The following BAZ2A variants were observed in gnomAD, a reference collection of about 807,000 sequenced individuals.
BAZ2A encodes the protein bromodomain adjacent to zinc finger domain protein 2A.
BAZ2A carries 34 observed loss-of-function variants against 199.9 expected under a neutral mutation model. The observed-to-expected ratio is 0.17, with a 90% confidence interval of 0.13 to 0.23. BAZ2A has a LOEUF of 0.23. BAZ2A is among the 10% of genes least tolerant of loss of function. The pLI is 1.00. For synonymous variants in BAZ2A, 857 were observed against 883.9 expected (o/e 0.97, Z 0.54); for missense variants, 2,002 against 2,391.1 (o/e 0.84, Z 3.39).
chr12:56,616,818 T>C (rs951363863), intron 2 of BAZ2A, among the ~76,000 whole-genome samples: 1 of 152,118 alleles, frequency 6.6e-6, no homozygotes. Context: ...TGGCGAGTCA[T>C]GGTACAGAGC....
At chr12:56,610,017 A>G in intron 9 of BAZ2A, 71 bp from the exon 10 acceptor site, 1 of 1,601,276 alleles carries the variant, frequency 6.2e-7, no homozygotes, top group Non-Finnish European at 8.5e-7. Flanking sequence ...GGAACCATTC[A>G]ATGCCCCAGA....
In BAZ2A at chr12:56,601,854, G is replaced by C. The variant is rs1198860288; in HGVS notation, c.3763C>G (p.Leu1255Val). The change falls in exon 20 of 29, where the codon CTG (leucine) becomes GTG (valine). Residue 1255 changes from leucine to valine, a missense_variant. Transcript: ENST00000549884. ...CTGAGGTCATGCTGGCTCTGACCCA[G>C]TGACAAAGGGGAGCCTTCTTGCTCC... is the stretch of plus-strand genomic sequence containing the variant. ...FLEQEGSPLS[L>V]GQSQHDLSQS... 1 of 1,613,884 alleles carries C rather than the reference G, an allele frequency of 6.2e-7. No individual in the cohort carries two copies. The highest frequency in any genetic ancestry group is 1.1e-5 in the South Asian group (1 of 91,094).
upstream of BAZ2A, chr12:56,638,080 G>A: frequency 2.3e-6 from 1 of 431,742 alleles, no homozygotes. Flanking sequence ...GACCAGTCTT[G>A]GCAACACAGC....
chr12:56,605,827 T>C lies in BAZ2A; in HGVS notation c.2493+3A>G, dbSNP rs1289910040. On this transcript the variant is annotated splice_donor_region_variant and intron_variant, in intron 13 of 28. Transcript: ENST00000549884. ...CCAGGAACTGTTACTCTCTCCTCAC[T>C]ACCTGGTGGTCAGTCAGACACATAT... The C allele has an allele frequency of 6.2e-7, 1 of 1,607,492 alleles. No homozygotes were observed. The highest frequency in any genetic ancestry group is 2.2e-5 in the East Asian group (1 of 44,724).
At position 56,601,562 on chromosome 12, in the gene BAZ2A, A is replaced by G. The variant is rs868844983; in HGVS notation, c.4055T>C (p.Leu1352Pro). 36 of 1,613,048 alleles carry G rather than the reference A, an allele frequency of 2.2e-5. No individual in the cohort carries two copies. In the African/African-American group the frequency reaches 2.7e-4, roughly 12 times the overall value. The change falls in exon 20 of 29, where the codon CTT becomes CCT. Residue 1352 changes from leucine to proline, a missense_variant. Coordinates refer to ENST00000549884, the MANE Select transcript of BAZ2A (RefSeq NM_001300905.2). The part of the protein sequence containing the change: ...EDQPTPSPQQ[L>P]ASSKPMNRPS... ...GCTACTTACTGGCTTGGAGGAGGCA[A>G]GCTGCTGAGGGGAGGGAGTGGGTTG...
intron 1 of BAZ2A, chr12:56,621,031 T>G (rs1400962942): frequency 1.0e-6 from 1 of 979,020 alleles, no homozygotes; most frequent in Non-Finnish European, 1.2e-6. Context: ...GAGGACACTC[T>G]TCACTTCAGA....
chr12:56,599,183 G>A lies in BAZ2A; in HGVS notation c.5348C>T (p.Ser1783Phe), dbSNP rs1886150087. ...CCGCATAGAGAGTCGCCGCCGCTTG[G>A]AGGGGGAGAGCCCTTCTTCCGAGTA... ...PRYSEEGLSP[S>F]KRRRLSMRNH... The change falls in exon 27 of 29, where the codon TCC becomes TTC. Residue 1783 changes from serine to phenylalanine, a missense_variant. Ser to Phe is a radical substitution (Grantham distance 155, BLOSUM62 -2). Transcript: ENST00000549884. 1 of 1,613,316 alleles carries A rather than the reference G, an allele frequency of 6.2e-7. No individual in the cohort carries two copies. Among genetic ancestry groups the A allele is most frequent in the Non-Finnish European group, 8.5e-7 (1 of 1,179,710 alleles).
upstream of BAZ2A, among the ~76,000 whole-genome samples, chr12:56,631,998 AG>A (rs1951324283): frequency 6.6e-6 from 1 of 152,156 alleles, no homozygotes; most frequent in African/African-American, 2.4e-5. Context: ...CAGAAGGCTA[AG>A]GGGGTTTCTC....
Position 56,617,485 on chromosome 12 carries a change from G to A in BAZ2A, c.46C>T (p.Pro16Ser). Residue 16 changes from proline (P) to serine (S), a missense_variant, in exon 2 of 29, where the codon CCT becomes TCT. Physicochemically the swap from Pro to Ser is moderately conservative, Grantham distance 74. This residue lies in a region of BAZ2A where 641 missense variants were observed against 694.5 expected (regional missense o/e 0.92). Coordinates refer to ENST00000549884, the MANE Select transcript of BAZ2A (RefSeq NM_001300905.2). ...GAGGGTTTCAGTCCTGAGGCAGCAG[G>A]TGCAGGGGGAAGGCCAGTAAAGTTA... is the stretch of plus-strand genomic sequence containing the variant. ...HFNFTGLPPA[P>S]AASGLKPSPS... 2 of 1,610,056 alleles carry A rather than the reference G, an allele frequency of 1.2e-6. No individual in the cohort carries two copies. Among genetic ancestry groups the A allele is most frequent in the Non-Finnish European group, 1.7e-6 (2 of 1,178,326 alleles).
rs532600153 is a variant in BAZ2A, at chr12:56,628,040, G to A, written c.-3+2085C>T. ...CTACTAAAAATAAAATAATTAGCTG[G>A]ATGCGGTGGCGGGCTCCTGTAATCC... is the stretch of plus-strand genomic sequence containing the variant. On this transcript the variant is annotated intron_variant, in intron 1 of 28. Transcript: ENST00000549884. Among the ~76,000 whole-genome samples, 4 of 151,078 alleles carry A rather than the reference G, an allele frequency of 2.6e-5. No individual in the cohort carries two copies. The East Asian group carries it at 5.8e-4, about 22-fold the overall frequency.
chr12:56,602,772 C>T lies in BAZ2A; in HGVS notation c.3365G>A (p.Arg1122His), dbSNP rs544352871. 5.3e-5 allele frequency: 85 copies of T among 1,613,946 alleles called. No individual in the cohort carries two copies. The East Asian group carries it at 7.4e-4, about 14-fold the overall frequency. ...AGCCAAATACGGCAATACCCAGTAG[C>T]GACGTCTGTAGCGGTCCTGACCCAG... Reference protein sequence around the residue: ...VSLGQDRYRRRYWVLPYLAGI... With the variant: ...VSLGQDRYRRHYWVLPYLAGI... Residue 1122 changes from arginine (R) to histidine (H), a missense_variant, in exon 19 of 29, where the codon CGC becomes CAC. Arg to His is a conservative substitution (Grantham distance 29). Transcript: ENST00000549884.
intron 23 of BAZ2A, 54 bp downstream of exon 23, chr12:56,600,627 T>A: frequency 6.3e-7 from 1 of 1,593,936 alleles, no homozygotes; most frequent in African/African-American, 1.3e-5. Context: ...TAACAGGGCA[T>A]AAGGGACTAA....
At chr12:56,605,764 C>A in intron 13 of BAZ2A, 66 bp downstream of exon 13, 1 of 1,317,544 alleles carries the variant, frequency 7.6e-7, no homozygotes, top group East Asian at 2.4e-5. Flanking sequence ...TTGCAGAAGT[C>A]CTTTTTTTTT....
At chr12:56,626,787 C>G (rs1951108275) in intron 1 of BAZ2A, among the ~76,000 whole-genome samples, 1 of 152,194 alleles carries the variant, frequency 6.6e-6, no homozygotes, top group South Asian at 2.1e-4. Flanking sequence ...TAACCCCCAA[C>G]AGGGAAAATC....
rs761832887 is a variant in BAZ2A at position 56,599,270 on chromosome 12, C to A, written c.5261G>T (p.Gly1754Val). 3 of 1,613,382 alleles carry A rather than the reference C, an allele frequency of 1.9e-6. No homozygotes were observed. Among genetic ancestry groups the A allele is most frequent in the East Asian group, 4.5e-5 (2 of 44,872 alleles). Residue 1754 changes from glycine (G) to valine (V), a missense_variant, in exon 27 of 29, where the codon GGT (glycine) becomes GTT (valine). Physicochemically the swap from Gly to Val is moderately radical, Grantham distance 109. Coordinates refer to ENST00000549884, the MANE Select transcript of BAZ2A (RefSeq NM_001300905.2). ...KSGYSLNFSE[G>V]DGRRRRVLLR... is the part of the protein sequence containing the mutation. ...CAGTACCCGGCGTCGGCGGCCATCA[C>A]CCTCTGAGAAGTTCAGCGAATAACC... is the stretch of plus-strand genomic sequence containing the variant.
chr12:56,611,344 CACT>C, intron 7 of BAZ2A: 1 of 577,276 alleles, frequency 1.7e-6, no homozygotes, highest in Non-Finnish European at 3.0e-6. Context: ...AAAATTGAGT[CACT>C]ACAAGATGAA....
chr12:56,627,555 T>C (rs1951140860), intron 1 of BAZ2A, among the ~76,000 whole-genome samples: 1 of 151,384 alleles, frequency 6.6e-6, no homozygotes, highest in Non-Finnish European at 1.5e-5. Flanking sequence ...CCGGGCATGG[T>C]GGCTCATGCC....
intron 1 of BAZ2A, 179 bp downstream of exon 1, chr12:56,629,946 C>T: frequency 2.7e-6 from 1 of 375,230 alleles, no homozygotes; most frequent in Non-Finnish European, 3.7e-6. Context: ...GTTCTCCTCC[C>T]AGACCCCAGA....
At position 56,609,773 on chromosome 12, in the gene BAZ2A, C is replaced by T. The variant is rs1390018590; in HGVS notation, c.2055G>A (p.Lys685=). ...PKVKITELLN[K]TDNRPLKKLE... is the part of the protein sequence containing the mutation. ...GTTTCTTTAGGGGGCGGTTGTCTGT[C>T]TTGTTCAATAGCTCAGTGATTTTGA... The change falls in exon 10 of 29, where the codon AAG becomes AAA. Residue 685 remains lysine, a synonymous_variant. Coordinates refer to ENST00000549884, the MANE Select transcript of BAZ2A (RefSeq NM_001300905.2). 1 of 1,613,882 alleles carries T rather than the reference C, an allele frequency of 6.2e-7. No individual in the cohort carries two copies. Among genetic ancestry groups the T allele is most frequent in the Admixed American group, 1.7e-5 (1 of 60,012 alleles).
Sources: allele counts gnomAD v4.1 joint callset (sites outside exome capture counted in the v4.1 genomes callset), GRCh38; gene constraint gnomAD v4.1.1; regional missense constraint gnomAD v4.1.1; transcripts MANE v1.5; gene names NCBI Gene and HGNC (gene_info 2026-07-23, HGNC 2026-07-21).